RINT1: variants seen among roughly 807,000 people sequenced by gnomAD.
RINT1 encodes RAD50-interacting protein 1.
Under a neutral mutation model 97.7 loss-of-function variants are expected in RINT1, and 75 were observed. The ratio of observed to expected loss-of-function variants is 0.77; its 90% CI spans 0.64 to 0.93. The LOEUF (loss-of-function observed/expected upper bound fraction) is 0.93. Among genes scored for constraint, RINT1 ranks in the 40% least tolerant of loss-of-function variants. The pLI is 0.00. For synonymous variants in RINT1, 303 were observed against 326.3 expected, an observed-to-expected ratio of 0.93 and a Z score of 0.77; for missense variants, 892 against 925.2, an observed-to-expected ratio of 0.96 and a Z score of 0.47.
intron 11 of RINT1, among the ~76,000 whole-genome samples, chr7:105,563,112 C>T (rs1791511699): frequency 2.0e-5 from 3 of 151,872 alleles, no homozygotes; most frequent in Admixed American, 2.0e-4. Context: ...ATACGTGTTA[C>T]AATATGGATA....
At chr7:105,535,328 C>T (rs1022301318) in intron 2 of RINT1, among the ~76,000 whole-genome samples, 1 of 127,276 alleles carries the variant, frequency 7.9e-6, no homozygotes, top group African/African-American at 3.0e-5. Flanking sequence ...CTCCCGGGTT[C>T]AAGCGATTCT....
At chr7:105,548,795 T>C in intron 7 of RINT1, 85 bp downstream of exon 7, 1 of 1,304,506 alleles carries the variant, frequency 7.7e-7, no homozygotes, top group Non-Finnish European at 1.1e-6. Context: ...AGTTAAAATC[T>C]GACTCTCTTC....
chr7:105,551,968 T>C (rs1315583326), intron 10 of RINT1, among the ~76,000 whole-genome samples: 1 of 152,056 alleles, frequency 6.6e-6, no homozygotes, highest in Non-Finnish European at 1.5e-5. Context: ...CTTGGGAGGC[T>C]GAGGTGGGAG....
chr7:105,539,744 T>TA (rs1248626407), intron 3 of RINT1, among the ~76,000 whole-genome samples: 3 of 152,202 alleles, frequency 2.0e-5, no homozygotes, highest in Non-Finnish European at 4.4e-5. Context: ...ATCTCAGTCT[T>TA]ACTTCAGACT....
chr7:105,550,583 AGCCATTT>A, intron 9 of RINT1, 97 bp downstream of exon 9: 1 of 864,248 alleles, frequency 1.2e-6, no homozygotes, highest in Non-Finnish European at 1.8e-6. Flanking sequence ...TAGGAACTAG[AGCCATTT>A]GAAATTTCCT....
At chr7:105,556,069 CTTT>C (rs201517822) in intron 11 of RINT1, among the ~76,000 whole-genome samples, 2 of 143,040 alleles carry the variant, frequency 1.4e-5, no homozygotes, top group Non-Finnish European at 3.1e-5. Flanking sequence ...CACTCAACTT[CTTT>C]TTTTTTTTTT....
intron 2 of RINT1, 38 bp from the exon 3 acceptor site, chr7:105,536,527 C>T: frequency 7.2e-7 from 1 of 1,396,294 alleles, no homozygotes; most frequent in South Asian, 1.3e-5. Flanking sequence ...CTCCATAGTA[C>T]TTAGTGGCGT....
chr7:105,561,871 A>AT (rs141300726), intron 11 of RINT1, among the ~76,000 whole-genome samples: 7,410 of 151,920 alleles, frequency 0.049, 249 homozygotes, highest in Non-Finnish European at 0.074. Flanking sequence ...CGATAGTGTC[A>AT]TTTTTTTTAA....
intron 11 of RINT1, among the ~76,000 whole-genome samples, chr7:105,557,194 T>A (rs1027222114): frequency 1.3e-5 from 2 of 152,000 alleles, no homozygotes; most frequent in African/African-American, 4.8e-5. Context: ...ATTATTAATA[T>A]AAAATATATA....
intron 10 of RINT1, among the ~76,000 whole-genome samples, chr7:105,552,485 G>C (rs997935604): frequency 1.3e-5 from 2 of 151,996 alleles, no homozygotes; most frequent in African/African-American, 4.8e-5. Flanking sequence ...CTCTGGCCCT[G>C]GTTGGTCTTT....
chr7:105,557,184 A>G (rs1162998698), intron 11 of RINT1, among the ~76,000 whole-genome samples: 6 of 152,076 alleles, frequency 3.9e-5, no homozygotes, highest in Non-Finnish European at 8.8e-5. Flanking sequence ...TTTAATATGA[A>G]TTATTAATAT....
At chr7:105,566,996 A>G (rs1791786606) in intron 14 of RINT1, 123 bp from the exon 15 acceptor site, 3 of 504,008 alleles carry the variant, frequency 6.0e-6, no homozygotes, top group Non-Finnish European at 9.9e-6. Context: ...TAAATCCATA[A>G]ATATTTTTAT....
intron 3 of RINT1, among the ~76,000 whole-genome samples, chr7:105,541,053 T>A (rs892933775): frequency 1.3e-5 from 2 of 151,658 alleles, no homozygotes; most frequent in African/African-American, 4.8e-5. Context: ...TTGGCCAGGC[T>A]GGTCTTGAAC....
intron 3 of RINT1, among the ~76,000 whole-genome samples, chr7:105,539,380 G>GTTTTTT (rs1790370510): frequency 1.1e-5 from 1 of 94,338 alleles, no homozygotes; most frequent in African/African-American, 4.3e-5. Context: ...TTTTTTTTGA[G>GTTTTTT]TTGGAGTTTC....
chr7:105,543,112 G>A (rs12386591), intron 4 of RINT1, among the ~76,000 whole-genome samples: 2 of 151,816 alleles, frequency 1.3e-5, no homozygotes, highest in African/African-American at 4.8e-5. Context: ...GGATGGTCTC[G>A]ATCTCTTGAC....
At chr7:105,542,171 G>GAA in intron 3 of RINT1, 201 of 289,290 alleles carry the variant, frequency 6.9e-4, no homozygotes, top group South Asian at 1.2e-3. Context: ...TCTATTTAAA[G>GAA]AAAAAAAAAA....
At chr7:105,557,536 T>G (rs1180075412) in intron 11 of RINT1, among the ~76,000 whole-genome samples, 2 of 152,142 alleles carry the variant, frequency 1.3e-5, no homozygotes, top group Non-Finnish European at 2.9e-5. Flanking sequence ...ATGCCTGGAT[T>G]AGGAAGGAAG....
chr7:105,538,072 A>G (rs1022974652), intron 3 of RINT1, among the ~76,000 whole-genome samples: 1 of 151,310 alleles, frequency 6.6e-6, no homozygotes, highest in Non-Finnish European at 1.5e-5. Flanking sequence ...GGCTCACTGC[A>G]ACCTCTGCCT....
At position 105,567,573 on chromosome 7, in the gene RINT1, C is replaced by A. The variant is rs993184576; in HGVS notation, c.*262C>A. 1 of 629,940 alleles carries A rather than the reference C, an allele frequency of 1.6e-6. No individual in the cohort carries two copies. Among genetic ancestry groups the A allele is most frequent in the South Asian group, 1.8e-5 (1 of 55,710 alleles). The allele number at this position is 629,940 out of a possible 1,614,324, so 39.0% of individuals were successfully genotyped here. ...AAATGCTGAGTATGTCTGTTGAAGA[C>A]GAGCAGAGATATTAAATTATAACCA... On this transcript the variant is annotated 3_prime_UTR_variant, in exon 15 of 15. Transcript: ENST00000257700.
Sources: allele counts gnomAD v4.1 joint callset (sites outside exome capture counted in the v4.1 genomes callset), GRCh38; gene constraint gnomAD v4.1.1; transcripts MANE v1.5; gene names NCBI Gene and HGNC (gene_info 2026-07-23, HGNC 2026-07-21).